The following SLC5A12 variants were observed in gnomAD, a reference collection of about 807,000 sequenced individuals.
The protein encoded by SLC5A12 is sodium-coupled monocarboxylate transporter 2.
Under a neutral mutation model 72.7 loss-of-function variants are expected in SLC5A12, and 46 were observed. That is an observed-to-expected ratio of 0.63 (90% CI 0.50 to 0.81). SLC5A12 has a LOEUF of 0.81. SLC5A12 is among the 30% of genes least tolerant of loss of function. The probability of loss-of-function intolerance (pLI) is 0.00; values close to 1 mark genes in which losing one functional copy is unlikely to be tolerated. For synonymous variants in SLC5A12, 275 were observed against 264.4 expected, an observed-to-expected ratio of 1.04 and a Z score of -0.39; for missense variants, 683 against 740.7, an observed-to-expected ratio of 0.92 and a Z score of 0.90.
intron 1 of SLC5A12, among the ~76,000 whole-genome samples, chr11:26,718,129 G>T (rs1428363035): frequency 6.6e-6 from 1 of 152,152 alleles, no homozygotes; most frequent in Non-Finnish European, 1.5e-5. Flanking sequence ...AACTACTAGA[G>T]AATGGAGGCT....
At chr11:26,698,605 G>C in intron 6 of SLC5A12, 70 bp from the exon 7 acceptor site, 1 of 1,463,878 alleles carries the variant, frequency 6.8e-7, no homozygotes, top group Non-Finnish European at 9.2e-7. Flanking sequence ...TCATTACCAG[G>C]TACTCAAGGT....
intron 9 of SLC5A12, among the ~76,000 whole-genome samples, chr11:26,691,162 T>C (rs577376176): frequency 1.2e-3 from 186 of 152,136 alleles, no homozygotes; most frequent in Non-Finnish European, 1.9e-3. Flanking sequence ...TACAAAAATA[T>C]ACAAATCATT....
Position 26,700,554 on chromosome 11 carries a change from T to C in SLC5A12, c.822-2019A>G, listed in dbSNP as rs1270301632. On this transcript the variant is annotated intron_variant, in intron 6 of 14. Transcript: ENST00000396005. Reference sequence around the variant, plus strand: ...ATAAATCAGATAATTTTAGATCTGATAGAGATATGGGGAAAATAAACTAAG... The same window carrying C: ...ATAAATCAGATAATTTTAGATCTGACAGAGATATGGGGAAAATAAACTAAG... 2.7e-5 allele frequency among the ~76,000 whole-genome samples: 4 copies of C among 150,874 alleles called. No homozygotes were observed. In the South Asian group the frequency reaches 6.3e-4, roughly 24 times the overall value.
chr11:26,686,458 C>T lies in SLC5A12; in HGVS notation c.1221+19G>A. On this transcript the variant is annotated intron_variant, in intron 10 of 14. Coordinates refer to ENST00000396005, the MANE Select transcript of SLC5A12 (RefSeq NM_178498.4). ...GAAGTTCCAGTGAAACCAAATGTGT[C>T]TTTTCCTTCTTTCGTTACCTGCACA... 6.2e-7 allele frequency: 1 copy of T among 1,613,006 alleles called. No individual in the cohort carries two copies. Among genetic ancestry groups the T allele is most frequent in the Non-Finnish European group, 8.5e-7 (1 of 1,179,142 alleles).
Position 26,721,864 on chromosome 11 carries a change from T to A in SLC5A12, c.-150A>T. Reference sequence around the variant, plus strand: ...TGATTACCAGAGGCACTCGTGTGAATCTTCAGACACCAACGTGTACTTAGT... The same window carrying A: ...TGATTACCAGAGGCACTCGTGTGAAACTTCAGACACCAACGTGTACTTAGT... On this transcript the variant is annotated 5_prime_UTR_variant, in exon 1 of 15. Coordinates refer to ENST00000396005, the MANE Select transcript of SLC5A12 (RefSeq NM_178498.4). 1.4e-6 allele frequency: 1 copy of A among 703,144 alleles called. No homozygotes were observed. The highest frequency in any genetic ancestry group is 2.5e-5 in the East Asian group (1 of 40,220). 43.6% of individuals were successfully genotyped at this position (703,144 alleles called of 1,614,324 possible). A position where few individuals can be genotyped will look rare whatever the true frequency, so the allele number is the denominator to read the frequency against.
At chr11:26,676,369 A>C (rs552959728) in intron 13 of SLC5A12, among the ~76,000 whole-genome samples, 240 of 151,828 alleles carry the variant, frequency 1.6e-3, no homozygotes, top group Middle Eastern at 0.01. Flanking sequence ...CAAAAAAAAA[A>C]AAAAAAAAAG....
chr11:26,716,337 G>C (rs919348479), intron 1 of SLC5A12: 1 of 152,128 alleles, frequency 6.6e-6, no homozygotes, highest in Admixed American at 6.6e-5. Context: ...TCTGTGATCT[G>C]TGCTTCAGGA....
At chr11:26,679,682 T>C (rs1854344654) in intron 12 of SLC5A12, among the ~76,000 whole-genome samples, 1 of 151,878 alleles carries the variant, frequency 6.6e-6, no homozygotes, top group African/African-American at 2.4e-5. Context: ...GGGATAAGCA[T>C]AGGTAGACGA....
rs762139413 is a variant in SLC5A12 at position 26,681,200 on chromosome 11, T to C, written c.1330A>G (p.Thr444Ala). ...NWKGALGGLL[T>A]GITLSFWVAI... The stretch of plus-strand genomic sequence containing the variant: ...ACCCAAAATGACAAGGTGATTCCAG[T>C]AAGAAGACCTCCTAGTGCACCCTGG... The change falls in exon 12 of 15, where the codon ACT (threonine) becomes GCT (alanine). Residue 444 changes from threonine to alanine, a missense_variant. Coordinates refer to ENST00000396005, the MANE Select transcript of SLC5A12 (RefSeq NM_178498.4). 4 of 1,603,750 alleles carry C rather than the reference T, an allele frequency of 2.5e-6. No individual in the cohort carries two copies. The highest frequency in any genetic ancestry group is 2.7e-5 in the African/African-American group (2 of 74,514).
chr11:26,709,431 G>C, intron 3 of SLC5A12, 52 bp from the exon 4 acceptor site: 1 of 1,396,796 alleles, frequency 7.2e-7, no homozygotes, highest in South Asian at 1.3e-5. Flanking sequence ...AAAATTAAAA[G>C]AGCAAGTTTT....
chr11:26,687,047 CT>C (rs1383932808), intron 9 of SLC5A12, among the ~76,000 whole-genome samples: 1 of 151,936 alleles, frequency 6.6e-6, no homozygotes, highest in Non-Finnish European at 1.5e-5. Flanking sequence ...CCCTTTGGCG[CT>C]TTTTTTTATA....
At position 26,685,749 on chromosome 11, in the gene SLC5A12, G is replaced by A. The variant is rs144149104; in HGVS notation, c.1221+728C>T. On this transcript the variant is annotated intron_variant, in intron 10 of 14. Coordinates refer to ENST00000396005, the MANE Select transcript of SLC5A12 (RefSeq NM_178498.4). ...TGAAGAATGGGGATGGGTGGCTCAG[G>A]AGACTTGAGTCATAAACCTAGTTTT... 5.0e-3 allele frequency among the ~76,000 whole-genome samples: 760 copies of A among 152,274 alleles called. 3 individuals are homozygous for A. Among genetic ancestry groups the A allele is most frequent in the Non-Finnish European group, 8.8e-3 (596 of 68,022 alleles).
Position 26,683,802 on chromosome 11 carries a change from C to A in SLC5A12, c.1263G>T (p.Leu421=). ...SIHGMCGGPM[L]GLFSLGIVFP... is the part of the protein sequence containing the mutation. ...ACACGATTCCCAGGGAGAATAAGCC[C>A]AGCATTGGTCCTCCACACATGCCGT... Residue 421 remains leucine, a synonymous_variant, in exon 11 of 15, where the codon CTG becomes CTT. Transcript: ENST00000396005. 2 of 1,598,776 alleles carry A rather than the reference C, an allele frequency of 1.3e-6. No homozygotes were observed. The highest frequency in any genetic ancestry group is 2.3e-5 in the East Asian group (1 of 44,440).
In SLC5A12 at chr11:26,698,513, C is replaced by T. The variant is rs772515518; in HGVS notation, c.844G>A (p.Gly282Ser). Reference sequence around the variant, plus strand: ...GCACACACCAGAATGATCCAGAGACCCAGCAAGTTAAAATACAAGGCACTA... The same window carrying T: ...GCACACACCAGAATGATCCAGAGACTCAGCAAGTTAAAATACAAGGCACTA... ...AKLALYFNLL[G>S]LWIILVCAVF... The change falls in exon 7 of 15, where the codon GGT becomes AGT. Residue 282 changes from glycine to serine, a missense_variant. Transcript: ENST00000396005. 5.6e-6 allele frequency: 9 copies of T among 1,613,740 alleles called. No homozygotes were observed. The highest frequency in any genetic ancestry group is 7.6e-6 in the Non-Finnish European group (9 of 1,179,914).
chr11:26,681,189 G>C lies in SLC5A12; in HGVS notation c.1341C>G (p.Thr447=). ...GALGGLLTGI[T]LSFWVAIGAF... ...CCCCAATGGCCACCCAAAATGACAA[G>C]GTGATTCCAGTAAGAAGACCTCCTA... Residue 447 remains threonine (T), a synonymous_variant, in exon 12 of 15, where the codon ACC becomes ACG. Transcript: ENST00000396005. 2.5e-6 allele frequency: 4 copies of C among 1,607,188 alleles called. No individual in the cohort carries two copies. The highest frequency in any genetic ancestry group is 3.4e-6 in the Non-Finnish European group (4 of 1,176,982).
At chr11:26,711,434 C>T (rs907729372) in intron 2 of SLC5A12, 76 bp from the exon 3 acceptor site, 6 of 1,089,642 alleles carry the variant, frequency 5.5e-6, no homozygotes, top group Non-Finnish European at 8.4e-6. Flanking sequence ...AGTTCTTTAT[C>T]GACGTTAGAC....
chr11:26,671,385 T>A, intron 14 of SLC5A12, 134 bp from the exon 15 acceptor site: 1 of 634,744 alleles, frequency 1.6e-6, no homozygotes, highest in Non-Finnish European at 2.6e-6. Flanking sequence ...AACTCTGACC[T>A]AAGACATTTT....
At chr11:26,698,385 T>C in intron 7 of SLC5A12, 21 bp downstream of exon 7, 1 of 1,611,540 alleles carries the variant, frequency 6.2e-7, no homozygotes, top group Non-Finnish European at 8.5e-7. Flanking sequence ...CACTCGCCAC[T>C]GTCCTCAAGA....
rs1590700654 is a variant in SLC5A12 at position 26,669,563 on chromosome 11, A to G, written c.*1539T>C. On this transcript the variant is annotated 3_prime_UTR_variant, in exon 15 of 15. Transcript: ENST00000396005. ...CCTAATACCTTCTTTCTCTTTCTCC[A>G]TTCTCCTTTTCTATTTGAGTGGAGG... 1 of 150,590 alleles carries G rather than the reference A, an allele frequency of 6.6e-6. No homozygotes were observed. The highest frequency in any genetic ancestry group is 2.0e-4 in the East Asian group (1 of 5,110). The allele number at this position is 150,590 out of a possible 1,614,324, so 9.3% of individuals were successfully genotyped here.
Sources: gnomAD v4.1 joint callset for allele counts (sites outside exome capture counted in the v4.1 genomes callset) on GRCh38, gnomAD v4.1.1 for gene constraint, MANE v1.5 for transcripts, NCBI Gene and HGNC (gene_info 2026-07-23, HGNC 2026-07-21) for gene names.